Variants in UTS2 observed in about 807,000 individuals in gnomAD.
UTS2 encodes the protein urotensin-2.
A neutral mutation model predicts 12.6 loss-of-function variants in UTS2; 10 were observed. The ratio of observed to expected loss-of-function variants is 0.80; its 90% CI spans 0.49 to 1.35. UTS2 has a LOEUF of 1.35. Ranked by LOEUF, UTS2 falls within the 40% of genes most tolerant of loss-of-function variation. The pLI is 0.00. For synonymous variants in UTS2, 52 were observed against 50.0 expected, an observed-to-expected ratio of 1.04 and a Z score of -0.17; for missense variants, 142 against 143.2, an observed-to-expected ratio of 0.99 and a Z score of 0.04.
chr1:7,882,881 C>T, the UTS2 span, among the ~76,000 whole-genome samples: 1 of 151,984 alleles, frequency 6.6e-6, no homozygotes, highest in Non-Finnish European at 1.5e-5. Flanking sequence ...TATCCCAATT[C>T]GAATGGCTAT....
chr1:7,851,505 G>C (rs755788190), intron 1 of UTS2, among the ~76,000 whole-genome samples: 2 of 152,144 alleles, frequency 1.3e-5, no homozygotes, highest in Non-Finnish European at 2.9e-5. Flanking sequence ...AGAATGCATG[G>C]TAAGTGCGCT....
the UTS2 span, among the ~76,000 whole-genome samples, chr1:7,906,474 A>AGAAAGAAAGAAAGAAAGAAG: frequency 6.9e-6 from 1 of 145,948 alleles, no homozygotes; most frequent in African/African-American, 2.6e-5. Flanking sequence ...AAAGAAAGAA[A>AGAAAGAAAGAAAGAAAGAAG]GAAAGAAAGA....
chr1:7,857,475 T>TAAA (rs34590533), upstream of UTS2, among the ~76,000 whole-genome samples: 1 of 150,156 alleles, frequency 6.7e-6, no homozygotes, highest in Non-Finnish European at 1.5e-5. Flanking sequence ...ACTACTATGT[T>TAAA]AAAAAAAAAA....
chr1:7,850,985 T>C (rs2097413522), intron 1 of UTS2, 63 bp from the exon 2 acceptor site: 1 of 1,543,838 alleles, frequency 6.5e-7, no homozygotes, highest in African/African-American at 1.4e-5. Flanking sequence ...TTCTGTTCCT[T>C]GTGTCTTTGG....
chr1:7,860,870 C>T, the UTS2 span, among the ~76,000 whole-genome samples: 3 of 152,034 alleles, frequency 2.0e-5, no homozygotes, highest in East Asian at 5.9e-4. Context: ...TGGTGAAACC[C>T]TGTCTGACTA....
intron 1 of UTS2, 28 bp downstream of exon 1, chr1:7,852,873 T>C (rs1558505900): frequency 6.3e-6 from 10 of 1,588,494 alleles, no homozygotes; most frequent in Non-Finnish European, 8.5e-6. Flanking sequence ...CTTTCAAGAC[T>C]AACATAAGGG....
At chr1:7,857,573 T>C (rs546593703), upstream of UTS2, among the ~76,000 whole-genome samples, 15 of 152,126 alleles carry the variant, frequency 9.9e-5, no homozygotes, top group Admixed American at 6.6e-5. Flanking sequence ...AATGTTTTGA[T>C]GCAGCATGGT....
the UTS2 span, among the ~76,000 whole-genome samples, chr1:7,871,628 C>G: frequency 6.6e-6 from 1 of 151,998 alleles, no homozygotes; most frequent in Non-Finnish European, 1.5e-5. Context: ...GCAAGTCTAT[C>G]AGCACCGTTT....
the UTS2 span, among the ~76,000 whole-genome samples, chr1:7,864,673 A>G: frequency 4.6e-5 from 7 of 152,302 alleles, no homozygotes; most frequent in South Asian, 8.3e-4. Context: ...CTGTCCCCCT[A>G]AAATCATTCG....
At chr1:7,853,074 G>A, upstream of UTS2, 1 of 1,553,696 alleles carries the variant, frequency 6.4e-7, no homozygotes. Context: ...TCCTCATTCT[G>A]CCTGCTCACT....
chr1:7,901,541 A>ATATG, the UTS2 span, among the ~76,000 whole-genome samples: 2 of 152,154 alleles, frequency 1.3e-5, no homozygotes. Context: ...TGCTATATAC[A>ATATG]TATGTATGTA....
the UTS2 span, among the ~76,000 whole-genome samples, chr1:7,887,628 T>C: frequency 1.4e-5 from 2 of 141,990 alleles, no homozygotes; most frequent in African/African-American, 5.3e-5. Flanking sequence ...TAGCTGGACA[T>C]GGTAGCACAT....
At chr1:7,871,142 C>G in the UTS2 span, among the ~76,000 whole-genome samples, 1,127 of 152,346 alleles carry the variant, frequency 7.4e-3, 6 homozygotes, top group Non-Finnish European at 0.011. Flanking sequence ...TTTCAATCTT[C>G]TTGCTTTGGT....
the UTS2 span, among the ~76,000 whole-genome samples, chr1:7,906,709 C>T: frequency 6.6e-6 from 1 of 152,110 alleles, no homozygotes; most frequent in South Asian, 2.1e-4. Flanking sequence ...TAACCCAACA[C>T]CAACAGTGAG....
the UTS2 span, among the ~76,000 whole-genome samples, chr1:7,880,637 C>A: frequency 6.6e-6 from 1 of 151,968 alleles, no homozygotes; most frequent in Non-Finnish European, 1.5e-5. Flanking sequence ...CTTGAACAGG[C>A]CAGTAACAAA....
chr1:7,891,537 A>AAGG, the UTS2 span, among the ~76,000 whole-genome samples: 1 of 6,658 alleles, frequency 1.5e-4, no homozygotes, highest in Non-Finnish European at 3.1e-4. Flanking sequence ...GAAAGAAAGA[A>AAGG]AAGAAAGAAA....
At chr1:7,873,853 G>A in the UTS2 span, among the ~76,000 whole-genome samples, 1 of 152,124 alleles carries the variant, frequency 6.6e-6, no homozygotes, top group Non-Finnish European at 1.5e-5. Flanking sequence ...TTATCAAATA[G>A]CATCATATGC....
At chr1:7,859,097 C>T in the UTS2 span, among the ~76,000 whole-genome samples, 1 of 152,094 alleles carries the variant, frequency 6.6e-6, no homozygotes, top group Admixed American at 6.6e-5. Flanking sequence ...GACTTGGGTC[C>T]AGAGAAGTTG....
the UTS2 span, among the ~76,000 whole-genome samples, chr1:7,883,020 C>A: frequency 6.6e-6 from 1 of 152,012 alleles, no homozygotes; most frequent in African/African-American, 2.4e-5. Flanking sequence ...CAAAAAAAAA[C>A]TGAAAAACTG....
Sources: gnomAD v4.1 joint callset for allele counts (sites outside exome capture counted in the v4.1 genomes callset) on GRCh38, gnomAD v4.1.1 for gene constraint, MANE v1.5 for transcripts, NCBI Gene and HGNC (gene_info 2026-07-23, HGNC 2026-07-21) for gene names.